The following ZPR1 variants were observed in gnomAD, a reference collection of about 807,000 sequenced individuals.
ZPR1 encodes the protein ZPR1 zinc finger, also known as zinc finger protein ZPR1.
Under a neutral mutation model 59.6 loss-of-function variants are expected in ZPR1, and 37 were observed. That is an observed-to-expected ratio of 0.62 (90% CI 0.48 to 0.82). The LOEUF (loss-of-function observed/expected upper bound fraction) is 0.82, where lower values mean the gene tolerates loss of function less well. Among genes scored for constraint, ZPR1 ranks in the 40% least tolerant of loss-of-function variants. ZPR1 has a pLI of 0.00. For missense variants in ZPR1, 527 were observed against 579.9 expected (o/e 0.91, Z 0.94); for synonymous variants, 191 against 215.2 (o/e 0.89, Z 0.99).
At chr11:116,785,260 C>A (rs1940866746) in intron 6 of ZPR1, 114 bp from the exon 7 acceptor site, 4 of 1,238,636 alleles carry the variant, frequency 3.2e-6, no homozygotes, top group Non-Finnish European at 4.6e-6. Flanking sequence ...ATGTCAGGTG[C>A]CACCTCATCA....
At chr11:116,784,286 G>T in intron 9 of ZPR1, 92 bp downstream of exon 9, 1 of 1,338,238 alleles carries the variant, frequency 7.5e-7, no homozygotes, top group Non-Finnish European at 1.1e-6. Flanking sequence ...TACACCCCCT[G>T]CCCCCGAGTA....
intron 12 of ZPR1, 34 bp downstream of exon 12, chr11:116,782,124 G>C: frequency 6.4e-7 from 1 of 1,564,924 alleles, no homozygotes; most frequent in South Asian, 1.1e-5. Context: ...GGAGCCCCAG[G>C]ATTCTAAGTA....
At chr11:116,784,531 CAT>C (rs912716547) in intron 8 of ZPR1, 83 bp from the exon 9 acceptor site, 2 of 1,306,912 alleles carry the variant, frequency 1.5e-6, no homozygotes, top group Non-Finnish European at 1.1e-6. Context: ...CCCACACAAA[CAT>C]ATGCTGGTCC....
rs1940730181 is a variant in ZPR1, at chr11:116,776,780, G to T, written c.*2145C>A. ...AATGGAAAATGAACCTGATACTGCAGTTTATCTTAACAGAGCACACCTACA... is the reference window on the plus strand; with the variant it reads ...AATGGAAAATGAACCTGATACTGCATTTTATCTTAACAGAGCACACCTACA... On this transcript the variant is annotated 3_prime_UTR_variant, in exon 14 of 14. Transcript: ENST00000227322. 6.6e-6 allele frequency: 1 copy of T among 152,174 alleles called. No individual in the cohort carries two copies. Among genetic ancestry groups the T allele is most frequent in the African/African-American group, 2.4e-5 (1 of 41,432 alleles). 9.4% of individuals were successfully genotyped at this position (152,174 alleles called of 1,614,324 possible). A position where few individuals can be genotyped will look rare whatever the true frequency, so the allele number is the denominator to read the frequency against.
intron 12 of ZPR1, among the ~76,000 whole-genome samples, chr11:116,781,100 AAAG>A (rs1940797464): frequency 6.6e-6 from 1 of 152,128 alleles, no homozygotes; most frequent in African/African-American, 2.4e-5. Flanking sequence ...GGAATCTCCC[AAAG>A]AAGAACAAAA....
rs190437555 is a variant in ZPR1 at position 116,785,475 on chromosome 11, A to G, written c.705+39T>C. On this transcript the variant is annotated intron_variant, in intron 6 of 13. Transcript: ENST00000227322. Reference sequence around the variant, plus strand: ...CTCCAAGCAATCCAGAGTGCGCGATAATTCCAGAGCATTCTTCTGGATCCT... The same window carrying G: ...CTCCAAGCAATCCAGAGTGCGCGATGATTCCAGAGCATTCTTCTGGATCCT... The G allele has an allele frequency of 1.9e-5, 31 of 1,607,188 alleles. No homozygotes were observed. The East Asian group carries it at 6.2e-4, about 32-fold the overall frequency.
chr11:116,784,697 A>G (rs1940858299), intron 8 of ZPR1, among the ~76,000 whole-genome samples, 158 bp downstream of exon 8: 1 of 152,182 alleles, frequency 6.6e-6, no homozygotes, highest in Admixed American at 6.5e-5. Context: ...TTTCTCTTTG[A>G]ACACAAAACC....
At chr11:116,785,266 C>A (rs1750292058) in intron 6 of ZPR1, 120 bp from the exon 7 acceptor site, 1 of 1,209,496 alleles carries the variant, frequency 8.3e-7, no homozygotes, top group Non-Finnish European at 1.2e-6. Flanking sequence ...GGTGCCACCT[C>A]ATCAGTTAGA....
At chr11:116,780,983 A>ATTT (rs1565320402) in intron 12 of ZPR1, among the ~76,000 whole-genome samples, 4 of 152,238 alleles carry the variant, frequency 2.6e-5, no homozygotes, top group Non-Finnish European at 5.9e-5. Context: ...AGAAGAAAAA[A>ATTT]TACTACATCC....
In ZPR1 at chr11:116,786,584, T is replaced by C. The variant is rs753996192; in HGVS notation, c.425-3A>G. On this transcript the variant is annotated splice_polypyrimidine_tract_variant and splice_region_variant and intron_variant, in intron 3 of 13. Transcript: ENST00000227322. ...CAATCCTTCAACAGTGGTCAGAGCT[T>C]GTGAACAAGAACAAAAGACAAGTGT... 1 of 1,613,988 alleles carries C rather than the reference T, an allele frequency of 6.2e-7. No homozygotes were observed. Among genetic ancestry groups the C allele is most frequent in the South Asian group, 1.1e-5 (1 of 91,060 alleles).
At position 116,787,879 on chromosome 11, in the gene ZPR1, C is replaced by A; in HGVS notation, c.112G>T (p.Glu38Ter). 3 of 1,543,716 alleles carry A rather than the reference C, an allele frequency of 1.9e-6. No individual in the cohort carries two copies. Among genetic ancestry groups the A allele is most frequent in the Non-Finnish European group, 2.6e-6 (3 of 1,146,564 alleles). The change falls in exon 1 of 14, where the codon GAG becomes TAG. Residue 38 changes from glutamate (E) to a stop codon, truncating the protein, a stop_gained. Transcript: ENST00000227322. LOFTEE classifies it high-confidence loss of function. ...TCGGTGGGCTGCTGCTCCTCGTCCT[C>A]GGCGCTGATGGGCCGGAACAGGTGA... ...PDHLFRPISA[E>*]DEEQQPTEIE... is the part of the protein sequence containing the mutation.
At chr11:116,786,441 T>C in intron 4 of ZPR1, 70 bp downstream of exon 4, 1 of 1,568,280 alleles carries the variant, frequency 6.4e-7, no homozygotes. Context: ...CAGAGACTCT[T>C]CAGACACATG....
At position 116,778,038 on chromosome 11, in the gene ZPR1, C is replaced by G. The variant is rs903388686; in HGVS notation, c.*887G>C. On this transcript the variant is annotated 3_prime_UTR_variant, in exon 14 of 14. Transcript: ENST00000227322. ...AAATCTCTTCCCCCAGATACCCACA[C>G]AGCTCACTCCCTGACCTCCTCCTCA... 6.6e-6 allele frequency: 1 copy of G among 152,326 alleles called. No homozygotes were observed. Among genetic ancestry groups the G allele is most frequent in the Non-Finnish European group, 1.5e-5 (1 of 68,110 alleles). The allele number at this position is 152,326 out of a possible 1,614,324, so 9.4% of individuals were successfully genotyped here.
In ZPR1 at chr11:116,774,296, A is replaced by G. The variant is rs924605935; in HGVS notation, c.*4629T>C. On this transcript the variant is annotated 3_prime_UTR_variant, in exon 14 of 14. Transcript: ENST00000227322. ...TACAGAATTATTAGCTATAGTCAAC[A>G]TGTTGTACATTAGATTCCCAGAACT... The G allele has an allele frequency of 3.3e-5, 5 of 152,158 alleles. No homozygotes were observed. Among genetic ancestry groups the G allele is most frequent in the Non-Finnish European group, 7.3e-5 (5 of 68,032 alleles). 9.4% of individuals were successfully genotyped at this position (152,158 alleles called of 1,614,324 possible).
intron 12 of ZPR1, among the ~76,000 whole-genome samples, chr11:116,781,525 T>TAA (rs997823922): frequency 6.6e-6 from 1 of 152,212 alleles, no homozygotes; most frequent in Non-Finnish European, 1.5e-5. Flanking sequence ...GAAATTCTGA[T>TAA]AAAAAATTAT....
At chr11:116,782,056 C>A in intron 12 of ZPR1, 102 bp downstream of exon 12, 8 of 758,008 alleles carry the variant, frequency 1.1e-5, no homozygotes, top group South Asian at 3.8e-5. Flanking sequence ...GAATCCCCAA[C>A]ATGATGGTTA....
chr11:116,787,956 G>T lies in ZPR1; in HGVS notation c.35C>A (p.Pro12Gln), dbSNP rs1220365186. The change falls in exon 1 of 14, where the codon CCG (proline) becomes CAG (glutamine). Residue 12 changes from proline to glutamine, a missense_variant. Transcript: ENST00000227322. ...GGGCGACGGGGCGACGGCAGCCCCC[G>T]GGGGCCCTGGTTCCACAGCCCCGCT... ...AASGAVEPGPPGAAVAPSPAP... is the reference protein window; with the variant it reads ...AASGAVEPGPQGAAVAPSPAP... 4.8e-6 allele frequency: 7 copies of T among 1,455,434 alleles called. No homozygotes were observed. The highest frequency in any genetic ancestry group is 2.7e-5 in the East Asian group (1 of 36,960). The allele number at this position is 1,455,434 out of a possible 1,614,324, so 90.2% of individuals were successfully genotyped here. A position where few individuals can be genotyped will look rare whatever the true frequency, so the allele number is the denominator to read the frequency against.
chr11:116,781,883 G>A (rs1940810920), intron 12 of ZPR1, among the ~76,000 whole-genome samples: 1 of 151,900 alleles, frequency 6.6e-6, no homozygotes, highest in South Asian at 2.1e-4. Context: ...GTGGTGGTGT[G>A]CGCCTGTAAT....
chr11:116,782,846 C>T, intron 11 of ZPR1, 73 bp downstream of exon 11: 1 of 1,216,526 alleles, frequency 8.2e-7, no homozygotes, highest in Admixed American at 1.7e-5. Context: ...ATTAGGATGT[C>T]TGAAGTCTTC....
Sources: gnomAD v4.1 joint callset for allele counts (sites outside exome capture counted in the v4.1 genomes callset) on GRCh38, gnomAD v4.1.1 for gene constraint, MANE v1.5 for transcripts, NCBI Gene and HGNC (gene_info 2026-07-23, HGNC 2026-07-21) for gene names.